Variants in DNAH8 observed in about 807,000 individuals in gnomAD.
The protein encoded by DNAH8 is dynein axonemal heavy chain 8.
Under a neutral mutation model 562.1 loss-of-function variants are expected in DNAH8, and 382 were observed. That is an observed-to-expected ratio of 0.68 (90% confidence interval 0.63 to 0.74). The LOEUF (loss-of-function observed/expected upper bound fraction) is 0.74, where lower values mean the gene tolerates loss of function less well. Ranked by LOEUF, DNAH8 falls within the 30% of genes least tolerant of loss-of-function variation. The pLI, the probability that DNAH8 is intolerant of heterozygous loss-of-function variation, is 0.00. For synonymous variants in DNAH8, 1,881 were observed against 1,919.4 expected, an observed-to-expected ratio of 0.98 and a Z score of 0.52; for missense variants, 5,203 against 5,620.4, an observed-to-expected ratio of 0.93 and a Z score of 2.37.
intron 62 of DNAH8, among the ~76,000 whole-genome samples, chr6:38,904,792 CAAAAA>C (rs759782655): frequency 1.2e-5 from 1 of 86,402 alleles, no homozygotes; most frequent in Admixed American, 1.4e-4. Flanking sequence ...AACTCCGTCT[CAAAAA>C]AAAAAAAAAA....
chr6:38,730,393 G>T (rs1362854073), intron 4 of DNAH8, among the ~76,000 whole-genome samples: 2 of 152,186 alleles, frequency 1.3e-5, no homozygotes, highest in Non-Finnish European at 2.9e-5. Context: ...GGAATAGCTG[G>T]TTTTCCCTAC....
At chr6:38,989,620 G>A (rs1028420694) in intron 87 of DNAH8, among the ~76,000 whole-genome samples, 5 of 152,164 alleles carry the variant, frequency 3.3e-5, no homozygotes, top group Non-Finnish European at 7.4e-5. Context: ...GCCCCATGTC[G>A]GGGAGAAGTG....
chr6:38,877,253 G>A (rs1268618522), intron 53 of DNAH8, among the ~76,000 whole-genome samples: 1 of 152,134 alleles, frequency 6.6e-6, no homozygotes, highest in Non-Finnish European at 1.5e-5. Context: ...GATTGAGATG[G>A]CATCTAATAA....
At position 38,832,443 on chromosome 6, in the gene DNAH8, A is replaced by G; in HGVS notation, c.4302+8A>G. On this transcript the variant is annotated splice_region_variant and intron_variant, in intron 31 of 92. Coordinates refer to ENST00000327475, the MANE Select transcript of DNAH8 (RefSeq NM_001206927.2). ...GCAGAAGCATATGAATTGGTAATTT[A>G]AGTATTTTCTTGCTGTATGTTGAAA... 1 of 1,506,210 alleles carries G rather than the reference A, an allele frequency of 6.6e-7. No homozygotes were observed. Among genetic ancestry groups the G allele is most frequent in the Non-Finnish European group, 9.2e-7 (1 of 1,083,220 alleles). 93.3% of individuals were successfully genotyped at this position (1,506,210 alleles called of 1,614,324 possible).
chr6:38,764,869 C>T (rs750178417), intron 11 of DNAH8, among the ~76,000 whole-genome samples: 21 of 151,614 alleles, frequency 1.4e-4, no homozygotes, highest in Non-Finnish European at 2.6e-4. Context: ...GAGTCTCGCT[C>T]TGTTGCCCAG....
chr6:38,802,117 G>A (rs1380446436), intron 21 of DNAH8, among the ~76,000 whole-genome samples: 1 of 151,224 alleles, frequency 6.6e-6, no homozygotes, highest in East Asian at 1.9e-4. Context: ...AAAATTTATT[G>A]TAGAGATGGG....
intron 82 of DNAH8, 33 bp downstream of exon 82, chr6:38,951,553 C>G (rs1319780010): frequency 6.4e-7 from 1 of 1,567,260 alleles, no homozygotes; most frequent in Admixed American, 1.9e-5. Flanking sequence ...TGTAGCAACA[C>G]TTCCATATTT....
At chr6:38,891,514 C>T (rs890794621) in intron 58 of DNAH8, among the ~76,000 whole-genome samples, 5 of 152,162 alleles carry the variant, frequency 3.3e-5, no homozygotes, top group African/African-American at 1.2e-4. Flanking sequence ...CCTGGGTAGA[C>T]TGGGGGATTT....
chr6:39,030,535 AG>A lies in DNAH8; in HGVS notation c.*144del. On this transcript the variant is annotated 3_prime_UTR_variant, in exon 93 of 93. Coordinates refer to ENST00000327475, the MANE Select transcript of DNAH8 (RefSeq NM_001206927.2). ...AAAAAGTTGATGTTCTAAAATTGCT[AG>A]TGCGTGTGTGTTTTCCTCACATATC... is the stretch of plus-strand genomic sequence containing the variant. 1.5e-6 allele frequency: 1 copy of A among 671,730 alleles called. No homozygotes were observed. Among genetic ancestry groups the A allele is most frequent in the South Asian group, 2.0e-5 (1 of 48,988 alleles). 41.6% of individuals were successfully genotyped at this position (671,730 alleles called of 1,614,324 possible).
intron 48 of DNAH8, 31 bp downstream of exon 48, chr6:38,868,227 A>G: frequency 6.3e-7 from 1 of 1,584,014 alleles, no homozygotes; most frequent in Non-Finnish European, 8.6e-7. Context: ...TCTTTTCCAC[A>G]ATTTTAATAT....
At chr6:38,818,041 A>G (rs996218983) in intron 26 of DNAH8, among the ~76,000 whole-genome samples, 1 of 152,150 alleles carries the variant, frequency 6.6e-6, no homozygotes. Flanking sequence ...CATGGATTTT[A>G]TACTTTCGGG....
At chr6:38,905,499 A>ACTATATACAAT (rs1270277079) in intron 62 of DNAH8, among the ~76,000 whole-genome samples, 4 of 152,180 alleles carry the variant, frequency 2.6e-5, no homozygotes, top group Admixed American at 6.5e-5. Context: ...GCAAATTGCC[A>ACTATATACAAT]CTATATACAA....
chr6:38,988,285 C>G (rs997735876), intron 87 of DNAH8, among the ~76,000 whole-genome samples: 3 of 152,176 alleles, frequency 2.0e-5, no homozygotes, highest in Non-Finnish European at 2.9e-5. Context: ...TTTGACTTTG[C>G]CCCCAAATAG....
At position 38,848,672 on chromosome 6, in the gene DNAH8, T is replaced by A. The variant is rs1224195716; in HGVS notation, c.5070T>A (p.Asn1690Lys). 6 of 1,610,390 alleles carry A rather than the reference T, an allele frequency of 3.7e-6. No individual in the cohort carries two copies. The African/African-American group carries it at 5.3e-5, about 14-fold the overall frequency. The change falls in exon 37 of 93, where the codon AAT becomes AAA. Residue 1690 changes from asparagine to lysine, a missense_variant. Physicochemically the swap from Asn to Lys is moderately conservative, Grantham distance 94. This residue lies in a region of DNAH8 where 2,176 missense variants were observed against 2,365.1 expected (regional missense o/e 0.92). Transcript: ENST00000327475. Reference sequence around the variant, plus strand: ...GATACAATGCTCCATTTAAAAAAAATATCCAGAATTGGGTGTATAAATTGT... The same window carrying A: ...GATACAATGCTCCATTTAAAAAAAAAATCCAGAATTGGGTGTATAAATTGT... ...SNRYNAPFKK[N>K]IQNWVYKLST...
chr6:39,000,413 G>T (rs116625854), intron 88 of DNAH8, among the ~76,000 whole-genome samples: 1,709 of 152,264 alleles, frequency 0.011, 27 homozygotes, highest in African/African-American at 0.039. Flanking sequence ...ATACCAGTCC[G>T]TGGCCTGTTA....
intron 24 of DNAH8, among the ~76,000 whole-genome samples, chr6:38,810,959 A>G (rs1771743220): frequency 6.6e-6 from 1 of 152,130 alleles, no homozygotes; most frequent in South Asian, 2.1e-4. Context: ...GTACTTGGAA[A>G]GTATTTCTTC....
Position 38,931,965 on chromosome 6 carries a change from T to G in DNAH8, c.11429T>G (p.Leu3810Arg), listed in dbSNP as rs909094330. Residue 3810 changes from leucine (L) to arginine (R), a missense_variant, in exon 76 of 93, where the codon CTA becomes CGA. Leu to Arg is a moderately radical substitution (Grantham distance 102, BLOSUM62 -2). Around this residue, in one of 6 missense-constraint regions of DNAH8, gnomAD observed 1,399 missense variants for 1,518.4 expected, o/e 0.92. Transcript: ENST00000327475. ...VTMKGLENQL[L>R]RRVILTEKQE... ...ATGAAAGGACTTGAGAATCAGTTAC[T>G]AAGGAGAGTCATTCTAACAGAGAAA... 1.5e-5 allele frequency: 24 copies of G among 1,605,312 alleles called. No homozygotes were observed. In the East Asian group the frequency reaches 4.7e-4, roughly 32 times the overall value.
rs753350828 is a variant in DNAH8, at chr6:38,890,688, G to T, written c.8510G>T (p.Ser2837Ile). The T allele has an allele frequency of 2.0e-5, 32 of 1,613,560 alleles. No individual in the cohort carries two copies. Among genetic ancestry groups the T allele is most frequent in the Non-Finnish European group, 2.6e-5 (31 of 1,179,662 alleles). ...IGCGYFDPCR[S>I]FKPQICEMIV... is the part of the protein sequence containing the mutation. ...TGTGGATACTTTGATCCTTGTAGAA[G>T]TTTCAAGCCTCAAATATGTGAGATG... Residue 2837 changes from serine to isoleucine, a missense_variant, in exon 58 of 93, where the codon AGT (serine) becomes ATT (isoleucine). By Grantham distance (142) the Ser-to-Ile change is moderately radical. This residue lies in a region of DNAH8 where 977 missense variants were observed against 1,061.8 expected (regional missense o/e 0.92). Transcript: ENST00000327475.
chr6:38,775,621 T>C (rs1232598564), intron 12 of DNAH8, 133 bp from the exon 13 acceptor site: 1 of 596,960 alleles, frequency 1.7e-6, no homozygotes. Context: ...TCTCCTCTGG[T>C]TGGTTTTAGC....
Sources: allele counts gnomAD v4.1 joint callset (sites outside exome capture counted in the v4.1 genomes callset), GRCh38; gene constraint gnomAD v4.1.1; regional missense constraint gnomAD v4.1.1; transcripts MANE v1.5; gene names NCBI Gene and HGNC (gene_info 2026-07-23, HGNC 2026-07-21).